SLCO3A1: variants seen among roughly 807,000 people sequenced by gnomAD.
The protein encoded by SLCO3A1 is PGE1 transporter.
In SLCO3A1, 27 loss-of-function variants were observed where a neutral mutation model predicts 63.1. The observed-to-expected ratio is 0.43, with a 90% CI of 0.32 to 0.59. SLCO3A1 has a LOEUF of 0.59. Ranked by LOEUF, SLCO3A1 falls within the 20% of genes least tolerant of loss-of-function variation. SLCO3A1 has a pLI of 0.09. For synonymous variants in SLCO3A1, 473 were observed against 409.9 expected, an observed-to-expected ratio of 1.15 and a Z score of -1.86; for missense variants, 773 against 945.8, an observed-to-expected ratio of 0.82 and a Z score of 2.40.
Position 91,968,632 on chromosome 15 carries a change from C to T in SLCO3A1, c.646+52174C>T, listed in dbSNP as rs1359882741. ...CCAGGGTAGAAACAAGCGACCCCTG[C>T]TTCCATGTGAAGCTTCATTCCCCAA... On this transcript the variant is annotated intron_variant, in intron 2 of 9. Coordinates refer to ENST00000318445, the MANE Select transcript of SLCO3A1 (RefSeq NM_013272.4). This position sits in a 1 kb window ranked among gnomAD's most constrained non-coding sequence, Gnocchi z 4.2. Among the ~76,000 whole-genome samples the T allele has an allele frequency of 6.6e-6, 1 of 152,172 alleles. No individual in the cohort carries two copies. Among genetic ancestry groups the T allele is most frequent in the Non-Finnish European group, 1.5e-5 (1 of 68,026 alleles).
At chr15:91,940,271 G>A (rs948554972) in intron 2 of SLCO3A1, among the ~76,000 whole-genome samples, 9 of 152,046 alleles carry the variant, frequency 5.9e-5, no homozygotes, top group Non-Finnish European at 1.3e-4. Context: ...CCTGATACCT[G>A]CCCTTTCTGA....
intron 1 of SLCO3A1, among the ~76,000 whole-genome samples, chr15:91,868,896 GTTC>G (rs1897230175): frequency 6.6e-6 from 1 of 152,130 alleles, no homozygotes. Context: ...AACATCAGAT[GTTC>G]TTCTCTGCTG....
chr15:91,854,718 C>T lies in SLCO3A1; in HGVS notation c.180+630C>T, dbSNP rs1484615550. ...AGCGTCTGGGATAAAGTTACGGTAC[C>T]TAGAGAGCAGCTGCGAGTTTGTGTA... On this transcript the variant is annotated intron_variant, in intron 1 of 9. Transcript: ENST00000318445. This position sits in a 1 kb window ranked among gnomAD's most constrained non-coding sequence, Gnocchi z 6.4. Among the ~76,000 whole-genome samples, 1 of 152,166 alleles carries T rather than the reference C, an allele frequency of 6.6e-6. No homozygotes were observed. The highest frequency in any genetic ancestry group is 1.5e-5 in the Non-Finnish European group (1 of 68,036).
chr15:92,070,433 A>G (rs2047201621), intron 2 of SLCO3A1, among the ~76,000 whole-genome samples: 1 of 152,198 alleles, frequency 6.6e-6, no homozygotes, highest in Non-Finnish European at 1.5e-5. Flanking sequence ...ACCTGAGGTT[A>G]GGAACTCGAG....
chr15:92,146,337 T>C (rs1005992966), intron 7 of SLCO3A1, among the ~76,000 whole-genome samples: 1 of 152,242 alleles, frequency 6.6e-6, no homozygotes, highest in African/African-American at 2.4e-5. Flanking sequence ...TCTCTGATCA[T>C]ATATTAATAA....
At chr15:91,977,568 A>G (rs1365191339) in intron 2 of SLCO3A1, among the ~76,000 whole-genome samples, 1 of 152,174 alleles carries the variant, frequency 6.6e-6, no homozygotes, top group African/African-American at 2.4e-5. Flanking sequence ...ATGAGGACAT[A>G]AAGGCATAGA....
chr15:91,964,297 T>TG (rs1900575191), intron 2 of SLCO3A1, among the ~76,000 whole-genome samples: 1 of 52,214 alleles, frequency 1.9e-5, no homozygotes, highest in Non-Finnish European at 4.2e-5. Flanking sequence ...TCATCTGTAA[T>TG]TTTTTTTTGT....
chr15:92,018,581 C>T (rs2046467607), intron 2 of SLCO3A1, among the ~76,000 whole-genome samples: 1 of 152,220 alleles, frequency 6.6e-6, no homozygotes, highest in African/African-American at 2.4e-5. Flanking sequence ...CCCTCACCAG[C>T]CTCCTGGCAG....
chr15:91,866,390 C>G (rs1377910013), intron 1 of SLCO3A1, among the ~76,000 whole-genome samples: 1 of 152,068 alleles, frequency 6.6e-6, no homozygotes, highest in Non-Finnish European at 1.5e-5. Flanking sequence ...GAAGCCCTAT[C>G]CGATTCAGTG....
intron 1 of SLCO3A1, among the ~76,000 whole-genome samples, chr15:91,913,453 G>T (rs72750091): frequency 0.07 from 10,702 of 152,310 alleles, 541 homozygotes; most frequent in Non-Finnish European, 0.11. Flanking sequence ...AACCTCCCAG[G>T]TGGGACCAGG....
At chr15:91,896,682 G>T (rs1898012590) in intron 1 of SLCO3A1, among the ~76,000 whole-genome samples, 1 of 152,216 alleles carries the variant, frequency 6.6e-6, no homozygotes, top group African/African-American at 2.4e-5. Context: ...GGCCTCCCCA[G>T]CCATGTGGAA....
At chr15:92,146,099 A>G (rs1446978612) in intron 7 of SLCO3A1, among the ~76,000 whole-genome samples, 1 of 152,222 alleles carries the variant, frequency 6.6e-6, no homozygotes, top group African/African-American at 2.4e-5. Flanking sequence ...AGGAAAAGCA[A>G]TGAATCATTT....
chr15:92,006,778 A>T (rs927966543), intron 2 of SLCO3A1, among the ~76,000 whole-genome samples: 1 of 152,266 alleles, frequency 6.6e-6, no homozygotes, highest in Non-Finnish European at 1.5e-5. Flanking sequence ...TAGTGCAGAG[A>T]GAATCATCAG....
At chr15:91,939,574 C>T (rs996704665) in intron 2 of SLCO3A1, among the ~76,000 whole-genome samples, 2 of 152,166 alleles carry the variant, frequency 1.3e-5, no homozygotes, top group African/African-American at 4.8e-5. Flanking sequence ...CAGATGGATG[C>T]CACGCTGCTG....
intron 2 of SLCO3A1, among the ~76,000 whole-genome samples, chr15:91,945,568 G>A (rs999627064): frequency 3.9e-5 from 6 of 152,200 alleles, no homozygotes; most frequent in South Asian, 2.1e-4. Flanking sequence ...GTCCTGTGGC[G>A]GAAAGGGAGA....
chr15:92,066,622 C>T (rs1051160907), intron 2 of SLCO3A1, among the ~76,000 whole-genome samples: 1 of 150,072 alleles, frequency 6.7e-6, no homozygotes, highest in African/African-American at 2.5e-5. Context: ...CTTATAGAAG[C>T]CTCTCTGAGC....
rs564411403 is a variant in SLCO3A1 at position 91,876,520 on chromosome 15, T to A, written c.180+22432T>A. On this transcript the variant is annotated intron_variant, in intron 1 of 9. Coordinates refer to ENST00000318445, the MANE Select transcript of SLCO3A1 (RefSeq NM_013272.4). ...CAGGGGTCAAGCAGGTGTTTTAATA[T>A]AAAGTACTTGAAAGAATTCCTTACA... Among the ~76,000 whole-genome samples the A allele has an allele frequency of 7.9e-5, 12 of 152,328 alleles. No homozygotes were observed. The East Asian group carries it at 2.1e-3, about 27-fold the overall frequency.
At chr15:92,003,256 T>A (rs1325552483) in intron 2 of SLCO3A1, among the ~76,000 whole-genome samples, 1 of 152,218 alleles carries the variant, frequency 6.6e-6, no homozygotes, top group Admixed American at 6.5e-5. Flanking sequence ...GTTTGTCGAG[T>A]GCACTTATGC....
intron 2 of SLCO3A1, among the ~76,000 whole-genome samples, chr15:91,918,963 C>G (rs1036070306): frequency 1.3e-5 from 2 of 152,204 alleles, no homozygotes; most frequent in Non-Finnish European, 2.9e-5. Context: ...AATCGTGACA[C>G]TATAGTGGAG....
Sources: gnomAD v4.1 joint callset for allele counts (sites outside exome capture counted in the v4.1 genomes callset) on GRCh38, gnomAD v4.1.1 for gene constraint, Gnocchi (gnomAD v3.1) non-coding constraint, MANE v1.5 for transcripts, NCBI Gene and HGNC (gene_info 2026-07-23, HGNC 2026-07-21) for gene names.